SCAPER: variants seen among roughly 807,000 people sequenced by gnomAD.
SCAPER encodes the protein S-phase cyclin A associated protein in the ER.
SCAPER carries 98 observed loss-of-function variants against 182.2 expected under a neutral mutation model. The observed-to-expected ratio is 0.54, with a 90% CI of 0.46 to 0.64. The LOEUF (loss-of-function observed/expected upper bound fraction) is 0.64. Ranked by LOEUF, SCAPER falls within the 30% of genes least tolerant of loss-of-function variation. SCAPER has a pLI of 0.00. For missense variants in SCAPER, 1,432 were observed against 1,690.0 expected (o/e 0.85, Z 2.68); for synonymous variants, 605 against 564.6 (o/e 1.07, Z -1.01).
chr15:76,797,058 GA>G (rs138155957), intron 7 of SCAPER, among the ~76,000 whole-genome samples: 7,516 of 152,198 alleles, frequency 0.049, 540 homozygotes, highest in African/African-American at 0.16. Flanking sequence ...TTAAAAGAAA[GA>G]GTATAAGACA....
chr15:76,832,719 C>A (rs543595595), intron 5 of SCAPER, among the ~76,000 whole-genome samples: 16 of 152,112 alleles, frequency 1.1e-4, no homozygotes, highest in Admixed American at 9.8e-4. Context: ...AGAGTTCTCA[C>A]GAGATCTGGT....
At chr15:76,442,542 T>A (rs1004443803) in intron 25 of SCAPER, among the ~76,000 whole-genome samples, 1 of 152,222 alleles carries the variant, frequency 6.6e-6, no homozygotes, top group Non-Finnish European at 1.5e-5. Flanking sequence ...TCCAGTTCCT[T>A]ATGTATAAAA....
intron 21 of SCAPER, among the ~76,000 whole-genome samples, chr15:76,650,829 T>C (rs1230862579): frequency 6.6e-6 from 1 of 152,114 alleles, no homozygotes. Context: ...GTATCTTCTC[T>C]GACCACAGAA....
chr15:76,726,155 A>ATAT (rs1491513286), intron 17 of SCAPER, among the ~76,000 whole-genome samples: 22 of 97,272 alleles, frequency 2.3e-4, no homozygotes, highest in South Asian at 6.5e-4. Flanking sequence ...ATATATATAT[A>ATAT]AAAAACTCTA....
chr15:76,810,516 A>T (rs1308996264), intron 5 of SCAPER, among the ~76,000 whole-genome samples: 1 of 147,438 alleles, frequency 6.8e-6, no homozygotes, highest in Admixed American at 6.7e-5. Context: ...AAGAAAGAGG[A>T]AGGAATCAAA....
chr15:76,449,983 G>C (rs764621653), intron 25 of SCAPER, among the ~76,000 whole-genome samples: 1 of 152,182 alleles, frequency 6.6e-6, no homozygotes, highest in Non-Finnish European at 1.5e-5. Flanking sequence ...AGGTTATACA[G>C]TCTCCATCAC....
intron 21 of SCAPER, among the ~76,000 whole-genome samples, chr15:76,651,311 A>C (rs2055016178): frequency 6.6e-6 from 1 of 152,164 alleles, no homozygotes; most frequent in Non-Finnish European, 1.5e-5. Flanking sequence ...AGAGGATGTC[A>C]CTAAAAAGCA....
chr15:76,609,517 C>A (rs1024226016), intron 22 of SCAPER, among the ~76,000 whole-genome samples: 1 of 152,076 alleles, frequency 6.6e-6, no homozygotes, highest in Non-Finnish European at 1.5e-5. Flanking sequence ...AAAATTATCT[C>A]CCAGCTTATA....
chr15:76,547,781 A>G (rs1438537200), intron 23 of SCAPER, among the ~76,000 whole-genome samples: 1 of 152,128 alleles, frequency 6.6e-6, no homozygotes, highest in African/African-American at 2.4e-5. Context: ...TTTGTGGGCT[A>G]ATATTTTCCA....
In SCAPER at chr15:76,686,818, T is replaced by C. The variant is rs534886406; in HGVS notation, c.2508+14940A>G. Among the ~76,000 whole-genome samples the C allele has an allele frequency of 3.1e-3, 471 of 152,274 alleles. 5 individuals are homozygous for C. The highest frequency in any genetic ancestry group is 0.011 in the African/African-American group (452 of 41,574). On this transcript the variant is annotated intron_variant, in intron 20 of 31. Transcript: ENST00000563290. Reference sequence around the variant, plus strand: ...AAGATTACATACAGCAAGGTATTCTTTTTGTAAAGCAATAAACAACCAAAA... The same window carrying C: ...AAGATTACATACAGCAAGGTATTCTCTTTGTAAAGCAATAAACAACCAAAA...
chr15:76,637,034 T>C (rs2053659429), intron 21 of SCAPER, among the ~76,000 whole-genome samples: 1 of 152,078 alleles, frequency 6.6e-6, no homozygotes, highest in African/African-American at 2.4e-5. Context: ...AATCCATCCA[T>C]TTAAAATGTA....
intron 22 of SCAPER, among the ~76,000 whole-genome samples, chr15:76,604,722 T>C (rs988440592): frequency 6.6e-6 from 1 of 152,128 alleles, no homozygotes; most frequent in African/African-American, 2.4e-5. Context: ...TTTGTAGTTC[T>C]CCTTGAAGAG....
At chr15:76,456,862 T>G (rs1345631602) in intron 25 of SCAPER, among the ~76,000 whole-genome samples, 2 of 152,242 alleles carry the variant, frequency 1.3e-5, no homozygotes, top group Non-Finnish European at 2.9e-5. Context: ...CTTTGCATAC[T>G]AATACAGTGA....
intron 30 of SCAPER, among the ~76,000 whole-genome samples, chr15:76,352,251 T>C (rs1409043254): frequency 9.9e-5 from 15 of 151,884 alleles, no homozygotes; most frequent in Non-Finnish European, 1.6e-4. Context: ...GCACTTAGCA[T>C]AGTATCTGAC....
intron 28 of SCAPER, chr15:76,380,813 A>G (rs1052043678): frequency 1.3e-5 from 2 of 152,270 alleles, no homozygotes; most frequent in South Asian, 2.1e-4. Flanking sequence ...TAAAAACTTC[A>G]TAGCTAAAGA....
intron 23 of SCAPER, among the ~76,000 whole-genome samples, chr15:76,531,205 G>A (rs157793): frequency 0.97 from 147,876 of 152,272 alleles, 71,939 homozygotes; most frequent in South Asian, 1. Flanking sequence ...AGTTGAGGAC[G>A]TAAAGGTCCT....
intron 5 of SCAPER, among the ~76,000 whole-genome samples, chr15:76,836,709 TA>T (rs2068982654): frequency 1.3e-5 from 2 of 151,640 alleles, no homozygotes; most frequent in Admixed American, 6.6e-5. Flanking sequence ...CCGTCTCTAC[TA>T]AAAAATACAA....
rs760187458 is a variant in SCAPER at position 76,683,661 on chromosome 15, GA to G, written c.2509-17873del. On this transcript the variant is annotated intron_variant, in intron 20 of 31. Coordinates refer to ENST00000563290, the MANE Select transcript of SCAPER (RefSeq NM_020843.4). ...AAAAAATGTTAAAGGTAGCTAGAAA[GA>G]AGGCACAGATCACTTACAAAAGGAA... is the stretch of plus-strand genomic sequence containing the variant. Among the ~76,000 whole-genome samples the G allele has an allele frequency of 1.3e-3, 205 of 152,148 alleles. 1 individual carries two copies. Among genetic ancestry groups the G allele is most frequent in the Non-Finnish European group, 1.4e-3 (95 of 68,004 alleles).
chr15:76,475,088 T>C lies in SCAPER; in HGVS notation c.2955-3753A>G, dbSNP rs567311653. On this transcript the variant is annotated intron_variant, in intron 24 of 31. Coordinates refer to ENST00000563290, the MANE Select transcript of SCAPER (RefSeq NM_020843.4). ...AGTATTTTTCTATTTAATTTAAAAATAATGTGCATTTATGCTGATAAAAAT... is the reference window on the plus strand; with the variant it reads ...AGTATTTTTCTATTTAATTTAAAAACAATGTGCATTTATGCTGATAAAAAT... 4.6e-5 allele frequency among the ~76,000 whole-genome samples: 7 copies of C among 152,354 alleles called. No homozygotes were observed. The South Asian group carries it at 1.5e-3, about 32-fold the overall frequency.
Sources: gnomAD v4.1 joint callset for allele counts (sites outside exome capture counted in the v4.1 genomes callset) on GRCh38, gnomAD v4.1.1 for gene constraint, MANE v1.5 for transcripts, NCBI Gene and HGNC (gene_info 2026-07-23, HGNC 2026-07-21) for gene names.